The following ANGPT2 variants were observed in gnomAD, a reference collection of about 807,000 sequenced individuals.
The protein encoded by ANGPT2 is angiopoietin-2.
ANGPT2 carries 28 observed loss-of-function variants against 62.9 expected under a neutral mutation model. The ratio of observed to expected loss-of-function variants is 0.44; its 90% CI spans 0.33 to 0.61. The LOEUF (loss-of-function observed/expected upper bound fraction) is 0.61. Ranked by LOEUF, ANGPT2 falls within the 20% of genes least tolerant of loss-of-function variation. The probability of loss-of-function intolerance (pLI) is 0.03; values close to 1 mark genes in which losing one functional copy is unlikely to be tolerated. For synonymous variants in ANGPT2, 284 were observed against 207.8 expected (o/e 1.37, Z -3.15); for missense variants, 727 against 594.9 (o/e 1.22, Z -2.31).
chr8:6,523,400 TATAAAC>T (rs1374522967), intron 3 of ANGPT2, among the ~76,000 whole-genome samples: 2 of 152,200 alleles, frequency 1.3e-5, no homozygotes. Context: ...AATTTCAACT[TATAAAC>T]ATACATTGCT....
At chr8:6,507,276 A>C (rs1197490505) in intron 8 of ANGPT2, among the ~76,000 whole-genome samples, 2 of 152,216 alleles carry the variant, frequency 1.3e-5, no homozygotes. Flanking sequence ...TCATTTATAA[A>C]ACATGTTGAC....
At chr8:6,557,991 C>G (rs1824923884) in intron 1 of ANGPT2, among the ~76,000 whole-genome samples, 1 of 152,176 alleles carries the variant, frequency 6.6e-6, no homozygotes, top group Non-Finnish European at 1.5e-5. Context: ...TCTTGACTGA[C>G]TCCCTCACAG....
intron 1 of ANGPT2, among the ~76,000 whole-genome samples, chr8:6,557,159 G>A (rs1316567527): frequency 2.0e-5 from 3 of 152,168 alleles, no homozygotes; most frequent in African/African-American, 7.2e-5. Flanking sequence ...CCAGCCCCAC[G>A]GAAAATTCTG....
intron 1 of ANGPT2, among the ~76,000 whole-genome samples, chr8:6,555,130 T>G (rs1824363459): frequency 6.6e-6 from 1 of 152,218 alleles, no homozygotes; most frequent in Non-Finnish European, 1.5e-5. Context: ...TCTTTTTATT[T>G]ACATCAAATC....
Position 6,499,871 on chromosome 8 carries a change from T to A in ANGPT2, c.*3230A>T. 1 of 1,613,404 alleles carries A rather than the reference T, an allele frequency of 6.2e-7. No individual in the cohort carries two copies. Among genetic ancestry groups the A allele is most frequent in the Non-Finnish European group, 8.5e-7 (1 of 1,179,980 alleles). ...TTGCAGGTGCTATGGTCTTTAGAAT[T>A]GGGTCACTGGATTTCTGAGGAGCCG... On this transcript the variant is annotated 3_prime_UTR_variant, in exon 9 of 9. Coordinates refer to ENST00000629816, the MANE Select transcript of ANGPT2 (RefSeq NM_001118887.2).
chr8:6,515,887 C>T (rs2515425), intron 5 of ANGPT2, among the ~76,000 whole-genome samples: 9,173 of 152,188 alleles, frequency 0.06, 302 homozygotes, highest in African/African-American at 0.079. Flanking sequence ...AAAAGAGAAC[C>T]AAGAGAGTGC....
In ANGPT2 at chr8:6,539,802, G is replaced by C. The variant is rs2959803; in HGVS notation, c.289-7315C>G. On this transcript the variant is annotated intron_variant, in intron 1 of 8. Transcript: ENST00000629816. ...GGGCTTCGCCATGTTGGTCAGGCTG[G>C]TCTGAAACTCCTGACATCAGGCCAT... Among the ~76,000 whole-genome samples, 979 of 152,270 alleles carry C rather than the reference G, an allele frequency of 6.4e-3. 13 individuals are homozygous for C. Among genetic ancestry groups the C allele is most frequent in the African/African-American group, 0.023 (945 of 41,558 alleles).
At position 6,510,172 on chromosome 8, in the gene ANGPT2, A is replaced by G. The variant is rs199557878; in HGVS notation, c.1197-1110T>C. On this transcript the variant is annotated intron_variant, in intron 7 of 8. Coordinates refer to ENST00000629816, the MANE Select transcript of ANGPT2 (RefSeq NM_001118887.2). ...GGTTGTTTTTTCTTTTTTTTTTTTT[A>G]TTTTCCATAACTATGCTCAAGAGTT... 4.3e-4 allele frequency among the ~76,000 whole-genome samples: 53 copies of G among 122,196 alleles called. 1 individual carries two copies. Among genetic ancestry groups the G allele is most frequent in the African/African-American group, 6.5e-5 (2 of 30,724 alleles). The allele number at this position is 122,196 out of a possible 152,430, so 80.2% of individuals were successfully genotyped here.
intron 5 of ANGPT2, among the ~76,000 whole-genome samples, chr8:6,518,973 CTGAG>C (rs1221697512): frequency 3.3e-5 from 5 of 151,912 alleles, no homozygotes; most frequent in Non-Finnish European, 4.4e-5. Flanking sequence ...GTCAGGCTCT[CTGAG>C]TGAGGCTGCA....
chr8:6,523,848 A>C (rs1159907364), intron 3 of ANGPT2, among the ~76,000 whole-genome samples: 1 of 150,888 alleles, frequency 6.6e-6, no homozygotes, highest in Non-Finnish European at 1.5e-5. Context: ...CGGCCTTCCA[A>C]AGTGCTGGAA....
chr8:6,559,645 G>A (rs1262845248), intron 1 of ANGPT2, among the ~76,000 whole-genome samples: 1 of 152,084 alleles, frequency 6.6e-6, no homozygotes, highest in Non-Finnish European at 1.5e-5. Context: ...GTGTGAAATA[G>A]TTCTTTCCTT....
intron 1 of ANGPT2, among the ~76,000 whole-genome samples, chr8:6,555,500 AG>A (rs1447772567): frequency 2.0e-5 from 3 of 148,222 alleles, no homozygotes; most frequent in Non-Finnish European, 3.0e-5. Flanking sequence ...CTCACTGCGT[AG>A]CCCAGGCTGG....
Position 6,502,983 on chromosome 8 carries a change from C to G in ANGPT2, c.*118G>C. 8.1e-7 allele frequency: 1 copy of G among 1,229,346 alleles called. No homozygotes were observed. The highest frequency in any genetic ancestry group is 1.4e-5 in the South Asian group (1 of 69,054). The allele number at this position is 1,229,346 out of a possible 1,614,324, so 76.2% of individuals were successfully genotyped here. On this transcript the variant is annotated 3_prime_UTR_variant, in exon 9 of 9. Transcript: ENST00000629816. The stretch of plus-strand genomic sequence containing the variant: ...ATCTGGAGCATGTGGGTCCCGTCAG[C>G]ACCGAGCACACGCCCTCTGTGGTGG...
At chr8:6,506,752 A>C (rs1462040493) in intron 8 of ANGPT2, among the ~76,000 whole-genome samples, 1 of 151,262 alleles carries the variant, frequency 6.6e-6, no homozygotes, top group African/African-American at 2.4e-5. Flanking sequence ...AATAGTAGTC[A>C]TATTATCTCA....
At chr8:6,532,791 G>A (rs1035793225) in intron 1 of ANGPT2, among the ~76,000 whole-genome samples, 48 of 152,264 alleles carry the variant, frequency 3.2e-4, no homozygotes, top group Middle Eastern at 6.8e-3. Context: ...GGGTGGTGAG[G>A]GCAGCCACAG....
intron 1 of ANGPT2, among the ~76,000 whole-genome samples, chr8:6,533,285 C>A (rs1393992596): frequency 6.6e-6 from 1 of 152,200 alleles, no homozygotes; most frequent in African/African-American, 2.4e-5. Context: ...CATTTCACTG[C>A]CATTGGTATA....
intron 3 of ANGPT2, among the ~76,000 whole-genome samples, chr8:6,524,551 C>T (rs1008270019): frequency 1.3e-5 from 2 of 152,196 alleles, no homozygotes; most frequent in African/African-American, 4.8e-5. Context: ...TAGTTGGGTT[C>T]AGATCACGTC....
Position 6,502,881 on chromosome 8 carries a change from C to G in ANGPT2, c.*220G>C, listed in dbSNP as rs953556067. ...TCTTTGCATAGGTGTTCTGTCTAAT[C>G]ACAATTATGGATGTTTAGGGTCTTG... On this transcript the variant is annotated 3_prime_UTR_variant, in exon 9 of 9. Transcript: ENST00000629816. The G allele has an allele frequency of 1.1e-5, 6 of 539,226 alleles. No homozygotes were observed. The highest frequency in any genetic ancestry group is 2.0e-5 in the Non-Finnish European group (6 of 307,238). The allele number at this position is 539,226 out of a possible 1,614,324, so 33.4% of individuals were successfully genotyped here.
chr8:6,520,687 C>T (rs2442620), intron 4 of ANGPT2, among the ~76,000 whole-genome samples: 10,770 of 152,228 alleles, frequency 0.071, 461 homozygotes, highest in African/African-American at 0.11. Flanking sequence ...TGATCCACCA[C>T]ACCTGGCCCT....
Sources: gnomAD v4.1 joint callset for allele counts (sites outside exome capture counted in the v4.1 genomes callset) on GRCh38, gnomAD v4.1.1 for gene constraint, MANE v1.5 for transcripts, NCBI Gene and HGNC (gene_info 2026-07-23, HGNC 2026-07-21) for gene names.